Variants in NCKAP5 observed in about 807,000 individuals in gnomAD.
NCKAP5 encodes the protein NCK associated protein 5, also known as nck-associated protein 5.
NCKAP5 carries 92 observed loss-of-function variants against 167.0 expected under a neutral mutation model. The observed-to-expected ratio is 0.55, with a 90% CI of 0.47 to 0.66. The LOEUF (loss-of-function observed/expected upper bound fraction) is 0.66. Ranked by LOEUF, NCKAP5 falls within the 30% of genes least tolerant of loss-of-function variation. NCKAP5 has a pLI of 0.00. For synonymous variants in NCKAP5, 891 were observed against 877.4 expected (o/e 1.02, Z -0.27); for missense variants, 2,378 against 2,315.0 (o/e 1.03, Z -0.56).
intron 15 of NCKAP5, among the ~76,000 whole-genome samples, chr2:132,775,147 C>T (rs72847207): frequency 0.18 from 27,794 of 152,100 alleles, 3,029 homozygotes; most frequent in East Asian, 0.29. Flanking sequence ...TTAGAGGTTG[C>T]CAGTGGATTT....
intron 19 of NCKAP5, among the ~76,000 whole-genome samples, chr2:132,693,722 T>A (rs1268023101): frequency 6.7e-6 from 1 of 148,652 alleles, no homozygotes; most frequent in Non-Finnish European, 1.5e-5. Context: ...GCTTCCCCAG[T>A]TCAAGCGATT....
intron 6 of NCKAP5, among the ~76,000 whole-genome samples, chr2:133,069,251 T>C (rs889222435): frequency 2.0e-5 from 3 of 152,174 alleles, no homozygotes; most frequent in Non-Finnish European, 4.4e-5. Flanking sequence ...AAATAACATA[T>C]ACATGTAAAA....
intron 3 of NCKAP5, among the ~76,000 whole-genome samples, chr2:133,353,964 T>G (rs1243843640): frequency 6.6e-6 from 1 of 152,114 alleles, no homozygotes; most frequent in Non-Finnish European, 1.5e-5. Flanking sequence ...TGGCCCTCTA[T>G]CCCTGCAAAA....
chr2:133,525,412 G>A (rs1044248739), intron 2 of NCKAP5, among the ~76,000 whole-genome samples: 1 of 152,138 alleles, frequency 6.6e-6, no homozygotes, highest in Admixed American at 6.5e-5. Flanking sequence ...CCCCTCCTCA[G>A]ATAAATGGCT....
intron 7 of NCKAP5, among the ~76,000 whole-genome samples, chr2:132,988,056 A>G (rs79992308): frequency 0.017 from 2,643 of 152,256 alleles, 84 homozygotes; most frequent in African/African-American, 0.06. Flanking sequence ...TAAGTGGTCT[A>G]TGCTATACCT....
At chr2:132,760,967 G>C (rs1311729700) in intron 16 of NCKAP5, among the ~76,000 whole-genome samples, 2 of 152,170 alleles carry the variant, frequency 1.3e-5, no homozygotes, top group Non-Finnish European at 2.9e-5. Flanking sequence ...GACACAAAAA[G>C]AGTGAATTAG....
chr2:133,463,218 G>T (rs763276708), intron 3 of NCKAP5, among the ~76,000 whole-genome samples: 1 of 152,074 alleles, frequency 6.6e-6, no homozygotes, highest in Non-Finnish European at 1.5e-5. Context: ...ATGAGCATAC[G>T]CCACATTTTT....
At chr2:132,908,560 A>C (rs1375850621) in intron 8 of NCKAP5, among the ~76,000 whole-genome samples, 1 of 152,154 alleles carries the variant, frequency 6.6e-6, no homozygotes, top group Non-Finnish European at 1.5e-5. Flanking sequence ...CTCTCCCATG[A>C]TTTTTCTTTT....
chr2:132,889,967 G>C (rs1463400642), intron 8 of NCKAP5, among the ~76,000 whole-genome samples: 1 of 152,134 alleles, frequency 6.6e-6, no homozygotes, highest in Non-Finnish European at 1.5e-5. Flanking sequence ...GAGAGAGAAA[G>C]AGAAGAAAAC....
intron 7 of NCKAP5, among the ~76,000 whole-genome samples, chr2:132,986,563 A>G (rs556207848): frequency 2.0e-5 from 3 of 152,266 alleles, no homozygotes; most frequent in South Asian, 4.1e-4. Flanking sequence ...AAACACTTCA[A>G]TTTTGCCTTG....
intron 3 of NCKAP5, among the ~76,000 whole-genome samples, chr2:133,449,844 C>T (rs1433846298): frequency 6.7e-6 from 1 of 149,704 alleles, no homozygotes; most frequent in Non-Finnish European, 1.5e-5. Context: ...TTTTTTTCAA[C>T]AGAGATTTTA....
intron 6 of NCKAP5, among the ~76,000 whole-genome samples, chr2:133,105,212 T>A (rs961581708): frequency 1.3e-5 from 2 of 152,234 alleles, no homozygotes; most frequent in Non-Finnish European, 2.9e-5. Context: ...TAAAAATTGT[T>A]CATGAAAAAA....
intron 16 of NCKAP5, among the ~76,000 whole-genome samples, chr2:132,746,811 G>C (rs2104756602): frequency 6.6e-6 from 1 of 152,180 alleles, no homozygotes; most frequent in East Asian, 1.9e-4. Flanking sequence ...AAAAACCACT[G>C]ATACAACATG....
At chr2:133,145,396 G>A (rs1016947648) in intron 5 of NCKAP5, among the ~76,000 whole-genome samples, 1 of 152,152 alleles carries the variant, frequency 6.6e-6, no homozygotes, top group Admixed American at 6.6e-5. Flanking sequence ...TGCATGCGGG[G>A]CTTAAAACCT....
chr2:133,009,834 C>T (rs570253222), intron 6 of NCKAP5, among the ~76,000 whole-genome samples: 21 of 151,976 alleles, frequency 1.4e-4, no homozygotes, highest in Admixed American at 3.3e-4. Context: ...CTTTGGGAGG[C>T]CGAGGTGGGT....
At chr2:133,312,299 C>T (rs754840039) in intron 3 of NCKAP5, among the ~76,000 whole-genome samples, 1 of 152,192 alleles carries the variant, frequency 6.6e-6, no homozygotes, top group Non-Finnish European at 1.5e-5. Context: ...ACTATGAGTA[C>T]AGCTTAGCAG....
Position 132,790,069 on chromosome 2 carries a change from C to T in NCKAP5, c.1046G>A (p.Ser349Asn). The T allele has an allele frequency of 6.2e-7, 1 of 1,613,342 alleles. No individual in the cohort carries two copies. Among genetic ancestry groups the T allele is most frequent in the South Asian group, 1.1e-5 (1 of 90,930 alleles). The change falls in exon 13 of 20, where the codon AGT becomes AAT. Residue 349 changes from serine to asparagine, a missense_variant. Around this residue, in one of 3 missense-constraint regions of NCKAP5, gnomAD observed 1,049 missense variants for 1,023.4 expected, o/e 1.02. Coordinates refer to ENST00000409261, the MANE Select transcript of NCKAP5 (RefSeq NM_207363.3). The stretch of plus-strand genomic sequence containing the variant: ...ATCGTGCCACGTGTAGGAGGAGCCA[C>T]TGGAGTACTCGCTGCAGGTGCTTGA... ...SLSSTCSEYS[S>N]GSSYTWHDGK...
At chr2:132,785,917 C>A (rs546047593) in intron 13 of NCKAP5, among the ~76,000 whole-genome samples, 199 bp from the exon 14 acceptor site, 1 of 152,300 alleles carries the variant, frequency 6.6e-6, no homozygotes, top group East Asian at 1.9e-4. Context: ...TGCTAAGAAG[C>A]ACAGCGATCT....
the NCKAP5 span, among the ~76,000 whole-genome samples, chr2:133,582,067 A>G: frequency 1.3e-5 from 2 of 152,252 alleles, no homozygotes; most frequent in African/African-American, 4.8e-5. Flanking sequence ...AGACACACAA[A>G]TATCAATGGC....
Sources: gnomAD v4.1 joint callset for allele counts (sites outside exome capture counted in the v4.1 genomes callset) on GRCh38, gnomAD v4.1.1 for gene constraint, gnomAD v4.1.1 regional missense constraint, MANE v1.5 for transcripts, NCBI Gene and HGNC (gene_info 2026-07-23, HGNC 2026-07-21) for gene names.